GPR158: variants seen among roughly 807,000 people sequenced by gnomAD.
The protein encoded by GPR158 is metabotropic glycine receptor.
In GPR158, 30 loss-of-function variants were observed where a neutral mutation model predicts 78.2. The ratio of observed to expected loss-of-function variants is 0.38; its 90% CI spans 0.29 to 0.52. The LOEUF (loss-of-function observed/expected upper bound fraction) is 0.52, where lower values mean the gene tolerates loss of function less well. GPR158 is among the 20% of genes least tolerant of loss of function. The pLI, the probability that GPR158 is intolerant of heterozygous loss-of-function variation, is 0.83. For synonymous variants in GPR158, 581 were observed against 591.1 expected (o/e 0.98, Z 0.25); for missense variants, 1,463 against 1,523.5 (o/e 0.96, Z 0.66).
At chr10:25,541,698 T>C (rs1836587008) in intron 5 of GPR158, among the ~76,000 whole-genome samples, 1 of 151,792 alleles carries the variant, frequency 6.6e-6, no homozygotes, top group Admixed American at 6.6e-5. Context: ...TGGCTCTGGC[T>C]AATGACTCAT....
At chr10:25,492,851 T>A (rs1835828492) in intron 5 of GPR158, among the ~76,000 whole-genome samples, 1 of 148,634 alleles carries the variant, frequency 6.7e-6, no homozygotes, top group East Asian at 1.9e-4. Flanking sequence ...ATATGTATTT[T>A]AATATTTTAA....
intron 1 of GPR158, among the ~76,000 whole-genome samples, chr10:25,213,639 C>T (rs2182353): frequency 0.2 from 29,658 of 151,488 alleles, 4,316 homozygotes; most frequent in African/African-American, 0.4. Flanking sequence ...GTGGGTTGTT[C>T]TTTTCTTTTT....
At chr10:25,484,906 T>C (rs1588883374) in intron 5 of GPR158, among the ~76,000 whole-genome samples, 1 of 152,158 alleles carries the variant, frequency 6.6e-6, no homozygotes, top group Non-Finnish European at 1.5e-5. Flanking sequence ...ATCTATACTT[T>C]AGATATTATG....
intron 2 of GPR158, among the ~76,000 whole-genome samples, chr10:25,361,611 C>G (rs1855641950): frequency 6.6e-6 from 1 of 151,788 alleles, no homozygotes; most frequent in South Asian, 2.1e-4. Context: ...ATTTTCTGTT[C>G]TTTTGATAGT....
At chr10:25,253,457 T>A (rs1023726011) in intron 2 of GPR158, among the ~76,000 whole-genome samples, 1 of 152,146 alleles carries the variant, frequency 6.6e-6, no homozygotes, top group African/African-American at 2.4e-5. Context: ...CAACCTCAGA[T>A]ACATGAAAAG....
chr10:25,334,448 C>T (rs778708256), intron 2 of GPR158, among the ~76,000 whole-genome samples: 4 of 152,096 alleles, frequency 2.6e-5, no homozygotes, highest in African/African-American at 7.2e-5. Context: ...CCTGTCATTG[C>T]GAAGCTTCAA....
At chr10:25,441,568 C>G (rs1835068561) in intron 4 of GPR158, among the ~76,000 whole-genome samples, 2 of 152,086 alleles carry the variant, frequency 1.3e-5, no homozygotes, top group Admixed American at 1.3e-4. Context: ...TCTTGTGCAG[C>G]CTTTTGAAAT....
intron 5 of GPR158, among the ~76,000 whole-genome samples, chr10:25,496,351 G>T (rs748179501): frequency 7.2e-5 from 11 of 152,158 alleles, no homozygotes; most frequent in African/African-American, 2.7e-4. Flanking sequence ...GAGAAATGGA[G>T]AGACACTGTG....
At chr10:25,485,880 G>GC (rs1835728537) in intron 5 of GPR158, among the ~76,000 whole-genome samples, 1 of 152,048 alleles carries the variant, frequency 6.6e-6, no homozygotes, top group African/African-American at 2.4e-5. Context: ...CCAAGATCAT[G>GC]CTACTACAAG....
At chr10:25,558,599 G>A (rs1263724641) in intron 6 of GPR158, among the ~76,000 whole-genome samples, 1 of 152,124 alleles carries the variant, frequency 6.6e-6, no homozygotes, top group Non-Finnish European at 1.5e-5. Context: ...CTGCACCCAT[G>A]ATTTCTGTGA....
intron 4 of GPR158, among the ~76,000 whole-genome samples, chr10:25,442,655 C>T (rs894386587): frequency 6.6e-6 from 1 of 152,122 alleles, no homozygotes; most frequent in Non-Finnish European, 1.5e-5. Flanking sequence ...CAGGGAATGC[C>T]ACCACCATAT....
chr10:25,506,182 T>G (rs778210289), intron 5 of GPR158, among the ~76,000 whole-genome samples: 91 of 152,268 alleles, frequency 6.0e-4, no homozygotes, highest in Admixed American at 3.1e-3. Flanking sequence ...TTACATGACT[T>G]CTATGCTTCT....
At chr10:25,306,674 GCTTC>G (rs745779616) in intron 2 of GPR158, among the ~76,000 whole-genome samples, 8 of 152,164 alleles carry the variant, frequency 5.3e-5, no homozygotes, top group Non-Finnish European at 1.0e-4. Flanking sequence ...TATAAGTAGA[GCTTC>G]TCCTGAACTA....
At chr10:25,430,645 T>C (rs1168327098) in intron 4 of GPR158, among the ~76,000 whole-genome samples, 2 of 149,808 alleles carry the variant, frequency 1.3e-5, no homozygotes. Context: ...AACAGCATGG[T>C]ACTGGTACCA....
At chr10:25,201,211 C>A (rs974763145) in intron 1 of GPR158, among the ~76,000 whole-genome samples, 1 of 151,982 alleles carries the variant, frequency 6.6e-6, no homozygotes. Context: ...ATTGTAGAGA[C>A]CATTTACCTC....
intron 2 of GPR158, among the ~76,000 whole-genome samples, chr10:25,327,398 G>A (rs1855051618): frequency 6.6e-6 from 1 of 152,098 alleles, no homozygotes; most frequent in African/African-American, 2.4e-5. Flanking sequence ...CTCACAAATG[G>A]CAAATTTATT....
At chr10:25,411,844 G>A (rs1834589702) in intron 3 of GPR158, among the ~76,000 whole-genome samples, 1 of 148,050 alleles carries the variant, frequency 6.8e-6, no homozygotes, top group Admixed American at 7.0e-5. Context: ...TGAGGCAGGA[G>A]AATGGTGTGA....
intron 2 of GPR158, among the ~76,000 whole-genome samples, chr10:25,395,149 G>A (rs1400301827): frequency 1.3e-5 from 2 of 152,054 alleles, no homozygotes; most frequent in East Asian, 1.9e-4. Flanking sequence ...AATTTTACTT[G>A]GTTAAAATTA....
At chr10:25,183,925 G>T (rs1399916947) in intron 1 of GPR158, among the ~76,000 whole-genome samples, 1 of 152,120 alleles carries the variant, frequency 6.6e-6, no homozygotes, top group Non-Finnish European at 1.5e-5. Context: ...TTTACATTTG[G>T]ATGTCTTTCA....
Sources: allele counts gnomAD v4.1 joint callset (sites outside exome capture counted in the v4.1 genomes callset), GRCh38; gene constraint gnomAD v4.1.1; transcripts MANE v1.5; gene names NCBI Gene and HGNC (gene_info 2026-07-23, HGNC 2026-07-21).